Variants in RNF6 observed in about 807,000 individuals in gnomAD.
RNF6 encodes ring finger protein 6.
RNF6 carries 21 observed loss-of-function variants against 50.1 expected under a neutral mutation model. The observed-to-expected ratio is 0.42, with a 90% CI of 0.30 to 0.60. The LOEUF (loss-of-function observed/expected upper bound fraction) is 0.60, where lower values mean the gene tolerates loss of function less well. Ranked by LOEUF, RNF6 falls within the 20% of genes least tolerant of loss-of-function variation. RNF6 has a pLI of 0.20. For synonymous variants in RNF6, 255 were observed against 291.8 expected, an observed-to-expected ratio of 0.87 and a Z score of 1.29; for missense variants, 698 against 838.2, an observed-to-expected ratio of 0.83 and a Z score of 2.07.
intron 5 of RNF6, among the ~76,000 whole-genome samples, chr13:26,185,440 T>C (rs1441322260): frequency 7.3e-6 from 1 of 137,500 alleles, no homozygotes. Flanking sequence ...TTGAAGTGCA[T>C]TTTTTTTAAA....
In RNF6 at chr13:26,221,346, A is replaced by G. The variant is rs568335679; in HGVS notation, c.-101-16T>C. 2.0e-5 allele frequency: 3 copies of G among 152,346 alleles called. No individual in the cohort carries two copies. The highest frequency in any genetic ancestry group is 7.2e-5 in the African/African-American group (3 of 41,584). The allele number at this position is 152,346 out of a possible 1,614,324, so 9.4% of individuals were successfully genotyped here. ...AGCTGCCCATCTGAAGCAATAAAAG[A>G]GAGTTGAATAATTCAATAAACTGTT... is the stretch of plus-strand genomic sequence containing the variant. On this transcript the variant is annotated splice_polypyrimidine_tract_variant and intron_variant, in intron 1 of 4. Transcript: ENST00000381588.
At position 26,163,081 on chromosome 13, in the gene RNF6, C is replaced by T. The variant is rs150434892; in HGVS notation, n.769-30630G>A. Among the ~76,000 whole-genome samples, 913 of 151,962 alleles carry T rather than the reference C, an allele frequency of 6.0e-3. 10 individuals carry two copies. The highest frequency in any genetic ancestry group is 0.01 in the Non-Finnish European group (682 of 67,938). ...ATCCCAGCACTTTGGGAGGCTGAGG[C>T]GGGTGGATCACGAGGTCAGGAGATC... On this transcript the variant is annotated intron_variant and non_coding_transcript_variant, in intron 5 of 5. Coordinates refer to the RNF6 transcript ENST00000468480.
chr13:26,201,413 G>A (rs1868893849), intron 5 of RNF6, among the ~76,000 whole-genome samples: 1 of 152,144 alleles, frequency 6.6e-6, no homozygotes, highest in East Asian at 1.9e-4. Context: ...AATGGAGGAG[G>A]GGTAATTCTT....
exon 6 of RNF6, chr13:26,132,446 C>T: frequency 2.2e-6 from 1 of 459,576 alleles, no homozygotes; most frequent in Non-Finnish European, 4.4e-6. Flanking sequence ...TTGTATCTGG[C>T]AAAGCCTACA....
At chr13:26,165,679 G>A (rs910663666) in intron 5 of RNF6, among the ~76,000 whole-genome samples, 12 of 152,334 alleles carry the variant, frequency 7.9e-5, no homozygotes, top group African/African-American at 2.9e-4. Context: ...CAGTTTTGGA[G>A]CTTTAAGATT....
chr13:26,210,013 T>C (rs533676013), downstream of RNF6, among the ~76,000 whole-genome samples: 2 of 152,182 alleles, frequency 1.3e-5, no homozygotes, highest in South Asian at 4.1e-4. Context: ...AAAGGGCAAA[T>C]ATATTCAGGG....
At chr13:26,175,186 T>G (rs1360770551) in intron 5 of RNF6, among the ~76,000 whole-genome samples, 1 of 152,142 alleles carries the variant, frequency 6.6e-6, no homozygotes, top group Non-Finnish European at 1.5e-5. Flanking sequence ...GTTCAAGCAA[T>G]TCTCTTGCCT....
At chr13:26,164,666 C>G (rs1363925138) in intron 5 of RNF6, among the ~76,000 whole-genome samples, 1 of 151,932 alleles carries the variant, frequency 6.6e-6, no homozygotes, top group Non-Finnish European at 1.5e-5. Flanking sequence ...ATTCTGCTAC[C>G]TAAAAATCTC....
chr13:26,172,372 A>G (rs1179887887), intron 5 of RNF6, among the ~76,000 whole-genome samples: 1 of 152,218 alleles, frequency 6.6e-6, no homozygotes, highest in Non-Finnish European at 1.5e-5. Flanking sequence ...TAAAAATTCA[A>G]AAGAAAACAT....
intron 3 of RNF6, 142 bp downstream of exon 3, chr13:26,219,314 TA>T: frequency 1.5e-6 from 1 of 687,556 alleles, no homozygotes; most frequent in Non-Finnish European, 2.3e-6. Context: ...TTTATTATAC[TA>T]AAAAGTTCTT....
intron 5 of RNF6, among the ~76,000 whole-genome samples, chr13:26,151,871 C>T (rs1170928804): frequency 1.3e-5 from 2 of 152,214 alleles, no homozygotes; most frequent in Non-Finnish European, 2.9e-5. Context: ...TCTCCCTCTT[C>T]TCCATTTCTC....
In RNF6 at chr13:26,213,792, TA is replaced by T. The variant is rs1367191172; in HGVS notation, c.*31del. 2 of 1,522,746 alleles carry T rather than the reference TA, an allele frequency of 1.3e-6. No individual in the cohort carries two copies. Among genetic ancestry groups the T allele is most frequent in the African/African-American group, 2.8e-5 (2 of 72,364 alleles). 94.3% of individuals were successfully genotyped at this position (1,522,746 alleles called of 1,614,324 possible). A position where few individuals can be genotyped will look rare whatever the true frequency, so the allele number is the denominator to read the frequency against. On this transcript the variant is annotated 3_prime_UTR_variant, in exon 5 of 5. Coordinates refer to ENST00000381588, the MANE Select transcript of RNF6 (RefSeq NM_005977.4). Reference sequence around the variant, plus strand: ...ACAATGCTTGAACATTCAGTTCTACTAAAAAACAGTATTTGAGTAGATCCCA... The same window carrying T: ...ACAATGCTTGAACATTCAGTTCTACTAAAAACAGTATTTGAGTAGATCCCA...
chr13:26,177,241 C>A (rs1268838886), intron 5 of RNF6, among the ~76,000 whole-genome samples: 1 of 152,190 alleles, frequency 6.6e-6, no homozygotes, highest in Admixed American at 6.5e-5. Context: ...GAAAGACAAA[C>A]CTCCTGGAAG....
chr13:26,197,379 A>G (rs1868707100), intron 5 of RNF6, among the ~76,000 whole-genome samples: 1 of 151,964 alleles, frequency 6.6e-6, no homozygotes, highest in Non-Finnish European at 1.5e-5. Context: ...TGTCTTTCCC[A>G]AGGACCTAAA....
chr13:26,218,495 A>G lies in RNF6; in HGVS notation c.289+16T>C. ...TCCAATCAAGCCTGTTCCTTATGGA[A>G]AGGACTCCATAGTACCTCTGTAATT... is the stretch of plus-strand genomic sequence containing the variant. On this transcript the variant is annotated intron_variant, in intron 4 of 4. Transcript: ENST00000381588. 6.3e-7 allele frequency: 1 copy of G among 1,587,364 alleles called. No individual in the cohort carries two copies. Among genetic ancestry groups the G allele is most frequent in the Non-Finnish European group, 8.7e-7 (1 of 1,155,744 alleles).
rs1869537778 is a variant in RNF6 at position 26,214,046 on chromosome 13, G to A, written c.1836C>T (p.Asp612=). The A allele has an allele frequency of 6.2e-7, 1 of 1,614,154 alleles. No individual in the cohort carries two copies. Among genetic ancestry groups the A allele is most frequent in the Non-Finnish European group, 8.5e-7 (1 of 1,180,022 alleles). The stretch of plus-strand genomic sequence containing the variant: ...GCTCATAGTGCCTGGTGGAAAGATT[G>A]TCAATCTGCTCTTTGGTTAAACCAC... ...RIRGLTKEQI[D]NLSTRHYEHN... The change falls in exon 5 of 5, where the codon GAC becomes GAT. Residue 612 remains aspartate (D), a synonymous_variant. Transcript: ENST00000381588.
chr13:26,150,811 A>T (rs996023313), intron 5 of RNF6: 1 of 152,200 alleles, frequency 6.6e-6, no homozygotes, highest in Non-Finnish European at 1.5e-5. Flanking sequence ...AACTTACTTA[A>T]TCTTCTATAA....
At chr13:26,190,474 A>G (rs1868411031) in intron 5 of RNF6, among the ~76,000 whole-genome samples, 1 of 152,202 alleles carries the variant, frequency 6.6e-6, no homozygotes, top group Non-Finnish European at 1.5e-5. Flanking sequence ...CTTCTGACAG[A>G]TGCTTACCTA....
Position 26,202,405 on chromosome 13 carries a change from T to C in RNF6, n.768+13069A>G, listed in dbSNP as rs9581586. Reference sequence around the variant, plus strand: ...GCAATAGGAGAGGATCAAATTAAGATCATAATTAGATGATTTGAGAAATTC... The same window carrying C: ...GCAATAGGAGAGGATCAAATTAAGACCATAATTAGATGATTTGAGAAATTC... On this transcript the variant is annotated intron_variant and non_coding_transcript_variant, in intron 5 of 5. Transcript: ENST00000468480. 7.0e-3 allele frequency among the ~76,000 whole-genome samples: 1,068 copies of C among 152,296 alleles called. 9 individuals carry two copies. The highest frequency in any genetic ancestry group is 0.024 in the Middle Eastern group (7 of 294).
Sources: gnomAD v4.1 joint callset for allele counts (sites outside exome capture counted in the v4.1 genomes callset) on GRCh38, gnomAD v4.1.1 for gene constraint, MANE v1.5 for transcripts, NCBI Gene and HGNC (gene_info 2026-07-23, HGNC 2026-07-21) for gene names.